The following CIDEC variants were observed in gnomAD, a reference collection of about 807,000 sequenced individuals.
CIDEC encodes lipid transferase CIDEC.
CIDEC carries 11 observed loss-of-function variants against 21.9 expected under a neutral mutation model. The ratio of observed to expected loss-of-function variants is 0.50; its 90% confidence interval spans 0.32 to 0.83. CIDEC has a LOEUF of 0.83. CIDEC is among the 40% of genes least tolerant of loss of function. CIDEC has a pLI of 0.04. For synonymous variants in CIDEC, 127 were observed against 124.9 expected (o/e 1.02, Z -0.11); for missense variants, 302 against 302.3 (o/e 1.00, Z 0.01).
chr3:9,877,127 G>A lies in CIDEC; in HGVS notation c.146C>T (p.Thr49Met), dbSNP rs61742367. The part of the protein sequence containing the change: ...APRARPCRVS[T>M]ADRSVRKGIM... ...GCCCTTCCTCACGCTTCGATCCGCC[G>A]TGCTTACGCGGCAGGGCCGGGCCCT... Residue 49 changes from threonine to methionine, a missense_variant, in exon 4 of 7, where the codon ACG becomes ATG. Transcript: ENST00000336832. 48,748 of 1,552,452 alleles carry A rather than the reference G, an allele frequency of 0.031. 910 individuals carry two copies. The highest frequency in any genetic ancestry group is 0.038 in the Non-Finnish European group (43,540 of 1,147,310).
In CIDEC at chr3:9,878,681, C is replaced by T. The variant is rs909058055; in HGVS notation, c.-25-170G>A. 1.9e-5 allele frequency: 27 copies of T among 1,438,642 alleles called. No homozygotes were observed. The African/African-American group carries it at 2.7e-4, about 14-fold the overall frequency. The allele number at this position is 1,438,642 out of a possible 1,614,324, so 89.1% of individuals were successfully genotyped here. On this transcript the variant is annotated intron_variant, in intron 2 of 6. Coordinates refer to ENST00000336832, the MANE Select transcript of CIDEC (RefSeq NM_001321142.2). ...CTTCTCCTGTCCGGCCCCATGCATGCCAACCAAGACCAAGCTGGAGACCCC... is the reference window on the plus strand; with the variant it reads ...CTTCTCCTGTCCGGCCCCATGCATGTCAACCAAGACCAAGCTGGAGACCCC...
intron 1 of CIDEC, among the ~76,000 whole-genome samples, chr3:9,879,258 T>C (rs1191671171): frequency 6.6e-6 from 1 of 150,838 alleles, no homozygotes; most frequent in African/African-American, 2.4e-5. Flanking sequence ...TTCAAGCAAT[T>C]ATCCTGCCTC....
Position 9,877,333 on chromosome 3 carries a change from C to G in CIDEC, c.54-114G>C, listed in dbSNP as rs904426099. 1.2e-5 allele frequency: 12 copies of G among 1,012,736 alleles called. No homozygotes were observed. In the African/African-American group the frequency reaches 1.6e-4, roughly 13 times the overall value. 62.7% of individuals were successfully genotyped at this position (1,012,736 alleles called of 1,614,324 possible). On this transcript the variant is annotated intron_variant, in intron 3 of 6. Coordinates refer to ENST00000336832, the MANE Select transcript of CIDEC (RefSeq NM_001321142.2). ...CTGGGCTCATGATCAGTCAACCCCC[C>G]ATCACCTGCTAATCCTGCCCTAGTC...
Position 9,877,165 on chromosome 3 carries a change from G to A in CIDEC, c.108C>T (p.Ser36=). The change falls in exon 4 of 7, where the codon AGC becomes AGT. Residue 36 remains serine, a synonymous_variant. Coordinates refer to ENST00000336832, the MANE Select transcript of CIDEC (RefSeq NM_001321142.2). ...VVTQQLLSEP[S]PKAPRARPCR... is the part of the protein sequence containing the mutation. Reference sequence around the variant, plus strand: ...AGGGCCGGGCCCTGGGGGCCTTGGGGCTGGGCTCCGACAGCAGCTGCTGGG... The same window carrying A: ...AGGGCCGGGCCCTGGGGGCCTTGGGACTGGGCTCCGACAGCAGCTGCTGGG... 1.3e-6 allele frequency: 2 copies of A among 1,551,386 alleles called. No individual in the cohort carries two copies. Among genetic ancestry groups the A allele is most frequent in the Non-Finnish European group, 1.7e-6 (2 of 1,147,144 alleles).
intron 6 of CIDEC, among the ~76,000 whole-genome samples, chr3:9,868,302 T>C (rs988127480): frequency 2.6e-5 from 4 of 152,220 alleles, no homozygotes; most frequent in Admixed American, 1.3e-4. Flanking sequence ...CTTGAGACAC[T>C]CTGTTCTAGA....
chr3:9,873,171 T>A (rs1194066147), intron 4 of CIDEC, among the ~76,000 whole-genome samples: 1 of 152,206 alleles, frequency 6.6e-6, no homozygotes, highest in East Asian at 1.9e-4. Context: ...AAGACTTACA[T>A]ACTATGTTTT....
intron 3 of CIDEC, chr3:9,878,153 C>T: frequency 2.4e-6 from 1 of 416,416 alleles, no homozygotes; most frequent in South Asian, 3.0e-5. Context: ...CCCCCACTTC[C>T]CAAAGTTGTT....
At chr3:9,867,377 T>C in intron 6 of CIDEC, 81 bp from the exon 7 acceptor site, 1 of 1,483,502 alleles carries the variant, frequency 6.7e-7, no homozygotes. Flanking sequence ...CCTAGCACTT[T>C]GGGAGGCCAT....
intron 4 of CIDEC, among the ~76,000 whole-genome samples, chr3:9,876,377 G>A (rs1442144327): frequency 6.6e-6 from 1 of 152,182 alleles, no homozygotes; most frequent in African/African-American, 2.4e-5. Flanking sequence ...GGGAGGCTGA[G>A]GCATGAGAAT....
chr3:9,875,253 C>G lies in CIDEC; in HGVS notation c.207+1813G>C, dbSNP rs552674410. 1.4e-4 allele frequency among the ~76,000 whole-genome samples: 21 copies of G among 151,514 alleles called. No homozygotes were observed. In the South Asian group the frequency reaches 4.4e-3, roughly 32 times the overall value. ...TTAGCTGGGCGCGGTGGCGGGCGCC[C>G]GTAGTCCCAGCTACTCAGGAGGCTG... On this transcript the variant is annotated intron_variant, in intron 4 of 6. Transcript: ENST00000336832.
intron 5 of CIDEC, 27 bp downstream of exon 5, chr3:9,870,137 C>G: frequency 2.5e-6 from 4 of 1,614,162 alleles, no homozygotes; most frequent in Middle Eastern, 1.6e-4. Context: ...TTTTCTCCCC[C>G]ATCAGGTGCA....
intron 1 of CIDEC, among the ~76,000 whole-genome samples, chr3:9,879,883 T>G (rs1441365067): frequency 2.0e-5 from 3 of 152,152 alleles, no homozygotes; most frequent in African/African-American, 7.2e-5. Context: ...CCTCTTCCTA[T>G]TCGAAGCTCC....
In CIDEC at chr3:9,867,175, C is replaced by A; in HGVS notation, c.676G>T (p.Ala226Ser). Residue 226 changes from alanine to serine, a missense_variant, in exon 7 of 7, where the codon GCC (alanine) becomes TCC (serine). By Grantham distance (99) the Ala-to-Ser change is moderately conservative. Coordinates refer to ENST00000336832, the MANE Select transcript of CIDEC (RefSeq NM_001321142.2). ...TEEGQPPKGKASSLIPTCLKI... is the reference protein window; with the variant it reads ...TEEGQPPKGKSSSLIPTCLKI... The stretch of plus-strand genomic sequence containing the variant: ...AGACAGGTCGGGATAAGGGATGAGG[C>A]CTTGCCCTTGGGGGGCTGCCCTTCC... The A allele has an allele frequency of 6.2e-7, 1 of 1,613,928 alleles. No individual in the cohort carries two copies. Among genetic ancestry groups the A allele is most frequent in the Non-Finnish European group, 8.5e-7 (1 of 1,180,052 alleles).
In CIDEC at chr3:9,878,965, C is replaced by T; in HGVS notation, c.-49G>A. On this transcript the variant is annotated 5_prime_UTR_variant, in exon 2 of 7. Transcript: ENST00000336832. ...ACCTCTAGTCCAGAGACCTCACAGG[C>T]AGGCAGCCCAGTCAAAGCCTCCTCT... 2.8e-6 allele frequency: 2 copies of T among 706,534 alleles called. No homozygotes were observed. The highest frequency in any genetic ancestry group is 5.0e-6 in the Non-Finnish European group (2 of 403,074). 43.8% of individuals were successfully genotyped at this position (706,534 alleles called of 1,614,324 possible). A position where few individuals can be genotyped will look rare whatever the true frequency, so the allele number is the denominator to read the frequency against.
chr3:9,867,151 G>A lies in CIDEC; in HGVS notation c.700C>T (p.Leu234=). The change falls in exon 7 of 7, where the codon CTG becomes TTG. Residue 234 remains leucine (L), a synonymous_variant. Coordinates refer to ENST00000336832, the MANE Select transcript of CIDEC (RefSeq NM_001321142.2). ...GKASSLIPTC[L]KILQ ...TTGGGCTTTCACTGCAGTATCTTCA[G>A]ACAGGTCGGGATAAGGGATGAGGCC... 8.7e-6 allele frequency: 14 copies of A among 1,613,616 alleles called. No individual in the cohort carries two copies. Among genetic ancestry groups the A allele is most frequent in the Non-Finnish European group, 1.2e-5 (14 of 1,180,046 alleles).
chr3:9,877,369 G>A (rs2082441339), intron 3 of CIDEC, 150 bp from the exon 4 acceptor site: 5 of 819,960 alleles, frequency 6.1e-6, no homozygotes, highest in Admixed American at 2.0e-5. Flanking sequence ...TTACTCAGAA[G>A]CCTGCTAGAA....
chr3:9,871,882 G>A (rs2082352869), intron 4 of CIDEC, among the ~76,000 whole-genome samples: 1 of 151,528 alleles, frequency 6.6e-6, no homozygotes, highest in Admixed American at 6.6e-5. Flanking sequence ...CGCCTGCCTC[G>A]GCCTCCCAAA....
intron 4 of CIDEC, among the ~76,000 whole-genome samples, chr3:9,875,390 A>G (rs936442187): frequency 2.0e-5 from 3 of 151,746 alleles, no homozygotes; most frequent in African/African-American, 4.8e-5. Flanking sequence ...AAAAAAAAAA[A>G]AAAGAAAAAA....
intron 4 of CIDEC, among the ~76,000 whole-genome samples, chr3:9,871,914 G>A (rs535789287): frequency 1.0e-3 from 159 of 152,266 alleles, no homozygotes; most frequent in African/African-American, 3.7e-3. Context: ...ATAGGCATGA[G>A]CCACTGCACC....
Sources: allele counts gnomAD v4.1 joint callset (sites outside exome capture counted in the v4.1 genomes callset), GRCh38; gene constraint gnomAD v4.1.1; transcripts MANE v1.5; gene names NCBI Gene and HGNC (gene_info 2026-07-23, HGNC 2026-07-21).